Variants in MB21D2 observed in about 807,000 individuals in gnomAD.
MB21D2 encodes the protein nucleotidyltransferase MB21D2.
In MB21D2, 9 loss-of-function variants were observed where a neutral mutation model predicts 33.3. The ratio of observed to expected loss-of-function variants is 0.27; its 90% CI spans 0.16 to 0.47. The LOEUF is 0.47. Ranked by LOEUF, MB21D2 falls within the 20% of genes least tolerant of loss-of-function variation. MB21D2 has a pLI of 0.99. For missense variants in MB21D2, 540 were observed against 624.6 expected, an observed-to-expected ratio of 0.86 and a Z score of 1.44; for synonymous variants, 241 against 236.3, an observed-to-expected ratio of 1.02 and a Z score of -0.18.
chr3:192,894,274 G>A (rs754848126), intron 1 of MB21D2, among the ~76,000 whole-genome samples: 7 of 151,268 alleles, frequency 4.6e-5, no homozygotes, highest in Non-Finnish European at 1.0e-4. Flanking sequence ...GATTATAGGC[G>A]CCCACCACCA....
Position 192,798,722 on chromosome 3 carries a change from A to C in MB21D2, c.1140T>G (p.Pro380=). ...VNKMCPNYFI[P]QCNMLEHLSE... ...ACAGATGTTCCAGCATGTTGCACTG[A>C]GGGATGAAATAATTGGGGCACATCT... is the stretch of plus-strand genomic sequence containing the variant. Residue 380 remains proline (P), a synonymous_variant, in exon 2 of 2, where the codon CCT becomes CCG. Transcript: ENST00000392452. This position sits in a 1 kb window ranked among gnomAD's most constrained non-coding sequence, Gnocchi z 4.8. The C allele has an allele frequency of 6.2e-7, 1 of 1,613,432 alleles. No homozygotes were observed. The highest frequency in any genetic ancestry group is 8.5e-7 in the Non-Finnish European group (1 of 1,180,034).
At chr3:192,890,059 C>T (rs73066204) in intron 1 of MB21D2, among the ~76,000 whole-genome samples, 14,129 of 152,034 alleles carry the variant, frequency 0.093, 797 homozygotes, top group East Asian at 0.16. Flanking sequence ...TTCTTTTTAC[C>T]TTTATTTATT....
intron 1 of MB21D2, among the ~76,000 whole-genome samples, chr3:192,898,591 T>C (rs1353476114): frequency 6.6e-6 from 1 of 151,994 alleles, no homozygotes; most frequent in Non-Finnish European, 1.5e-5. Flanking sequence ...TTGCCCAAGT[T>C]CAAGAACGAA....
At chr3:192,862,857 A>G (rs1248066053) in intron 1 of MB21D2, among the ~76,000 whole-genome samples, 1 of 152,250 alleles carries the variant, frequency 6.6e-6, no homozygotes, top group Non-Finnish European at 1.5e-5. Context: ...TCCAAAGTCA[A>G]GGCACTGGCA....
At chr3:192,901,629 G>A (rs1279358526) in intron 1 of MB21D2, among the ~76,000 whole-genome samples, 1 of 152,124 alleles carries the variant, frequency 6.6e-6, no homozygotes, top group Non-Finnish European at 1.5e-5. Flanking sequence ...CCCTCGGAAA[G>A]CAGGAAAGCT....
intron 1 of MB21D2, among the ~76,000 whole-genome samples, chr3:192,894,232 G>A (rs1041354077): frequency 2.6e-5 from 4 of 151,892 alleles, no homozygotes; most frequent in African/African-American, 7.3e-5. Flanking sequence ...AGATACAAGC[G>A]ATTCTCCTGC....
chr3:192,822,853 G>T (rs748749163), intron 1 of MB21D2, among the ~76,000 whole-genome samples: 1 of 152,132 alleles, frequency 6.6e-6, no homozygotes, highest in Non-Finnish European at 1.5e-5. Flanking sequence ...TTAGGGCAAG[G>T]TCTCCTGATT....
intron 1 of MB21D2, among the ~76,000 whole-genome samples, chr3:192,836,516 G>A (rs928605379): frequency 6.6e-6 from 1 of 152,202 alleles, no homozygotes; most frequent in Non-Finnish European, 1.5e-5. Context: ...CTGACTGGTA[G>A]TCTTATAAGA....
intron 1 of MB21D2, among the ~76,000 whole-genome samples, chr3:192,885,996 T>C (rs1713723503): frequency 6.6e-6 from 1 of 152,148 alleles, no homozygotes; most frequent in African/African-American, 2.4e-5. Flanking sequence ...AGTCTCACTC[T>C]GTCGCCCAGG....
intron 1 of MB21D2, among the ~76,000 whole-genome samples, chr3:192,873,485 C>T (rs765673321): frequency 7.9e-5 from 12 of 152,154 alleles, no homozygotes; most frequent in Admixed American, 1.3e-4. Flanking sequence ...CCCATCCCTA[C>T]GCCAAACTGA....
At chr3:192,850,984 T>C (rs1466108675) in intron 1 of MB21D2, among the ~76,000 whole-genome samples, 2 of 152,234 alleles carry the variant, frequency 1.3e-5, no homozygotes, top group African/African-American at 4.8e-5. Context: ...CTCTGCTACT[T>C]ATTGTTAGCT....
At chr3:192,829,945 C>T (rs541887066) in intron 1 of MB21D2, among the ~76,000 whole-genome samples, 1 of 152,176 alleles carries the variant, frequency 6.6e-6, no homozygotes, top group Non-Finnish European at 1.5e-5. Flanking sequence ...TCAGGCTAGT[C>T]TTGAACTCTT....
intron 1 of MB21D2, among the ~76,000 whole-genome samples, chr3:192,879,215 CTT>C (rs1713506877): frequency 6.6e-6 from 1 of 152,208 alleles, no homozygotes; most frequent in African/African-American, 2.4e-5. Context: ...TCAAAAATCT[CTT>C]TCTCTGCCTC....
intron 1 of MB21D2, among the ~76,000 whole-genome samples, chr3:192,847,934 T>C (rs1246982021): frequency 1.3e-5 from 2 of 152,204 alleles, no homozygotes; most frequent in African/African-American, 4.8e-5. Flanking sequence ...GAATTCAATT[T>C]GGGCTTAACT....
chr3:192,888,061 C>T (rs1464460267), intron 1 of MB21D2, among the ~76,000 whole-genome samples: 2 of 152,050 alleles, frequency 1.3e-5, no homozygotes, highest in African/African-American at 2.4e-5. Flanking sequence ...TAGAAGGGCA[C>T]CAACACTGCT....
chr3:192,915,399 C>A (rs1015519560), intron 1 of MB21D2, among the ~76,000 whole-genome samples: 1 of 152,238 alleles, frequency 6.6e-6, no homozygotes, highest in African/African-American at 2.4e-5. Flanking sequence ...CAAACCTCCA[C>A]TTGTGTAGAG....
rs58394740 is a variant in MB21D2, at chr3:192,828,591, CATATATATATATATATAT to C, written c.212-28959_212-28942del. 5.4e-4 allele frequency among the ~76,000 whole-genome samples: 29 copies of C among 54,112 alleles called. 2 individuals carry two copies. The highest frequency in any genetic ancestry group is 8.9e-4 in the Non-Finnish European group (23 of 25,816). 35.5% of individuals were successfully genotyped at this position (54,112 alleles called of 152,430 possible). A position where few individuals can be genotyped will look rare whatever the true frequency, so the allele number is the denominator to read the frequency against. ...TATATACAATAAAACTCACCCCCCC[CATATATATATATATATAT>C]ATATATATATATATATATATATATA... On this transcript the variant is annotated intron_variant, in intron 1 of 1. Coordinates refer to ENST00000392452, the MANE Select transcript of MB21D2 (RefSeq NM_178496.4).
chr3:192,809,870 T>C (rs1455372176), intron 1 of MB21D2, among the ~76,000 whole-genome samples: 1 of 152,242 alleles, frequency 6.6e-6, no homozygotes. Context: ...ATTCCACAAG[T>C]GTTTTAATCA....
intron 1 of MB21D2, among the ~76,000 whole-genome samples, chr3:192,827,779 C>T (rs1235343175): frequency 6.6e-6 from 1 of 152,090 alleles, no homozygotes; most frequent in African/African-American, 2.4e-5. Flanking sequence ...CTTCCCGCTC[C>T]CCACCATAAA....
Sources: gnomAD v4.1 joint callset for allele counts (sites outside exome capture counted in the v4.1 genomes callset) on GRCh38, gnomAD v4.1.1 for gene constraint, Gnocchi (gnomAD v3.1) non-coding constraint, MANE v1.5 for transcripts, NCBI Gene and HGNC (gene_info 2026-07-23, HGNC 2026-07-21) for gene names.